OSBPL5: variants seen among roughly 807,000 people sequenced by gnomAD.
OSBPL5 encodes oxysterol-binding protein-related protein 5.
A neutral mutation model predicts 111.2 loss-of-function variants in OSBPL5; 71 were observed. The observed-to-expected ratio is 0.64, with a 90% CI of 0.53 to 0.78. The LOEUF is 0.78. Ranked by LOEUF, OSBPL5 falls within the 30% of genes least tolerant of loss-of-function variation. The pLI is 0.00. For missense variants in OSBPL5, 1,210 were observed against 1,189.3 expected, an observed-to-expected ratio of 1.02 and a Z score of -0.26; for synonymous variants, 549 against 513.9, an observed-to-expected ratio of 1.07 and a Z score of -0.93.
At chr11:3,112,044 C>CGTGTGT (rs1857985084) in intron 7 of OSBPL5, among the ~76,000 whole-genome samples, 2 of 92,424 alleles carry the variant, frequency 2.2e-5, no homozygotes, top group African/African-American at 6.7e-5. Context: ...TATGTGTGCG[C>CGTGTGT]GCATGTGTGT....
At chr11:3,119,693 G>C in intron 6 of OSBPL5, 62 bp from the exon 7 acceptor site, 1 of 1,502,056 alleles carries the variant, frequency 6.7e-7, no homozygotes, top group Non-Finnish European at 9.0e-7. Flanking sequence ...GCACAGATAG[G>C]TCAGGCAGAA....
chr11:3,108,048 A>T, intron 7 of OSBPL5, 103 bp from the exon 8 acceptor site: 1 of 1,444,714 alleles, frequency 6.9e-7, no homozygotes, highest in South Asian at 1.3e-5. Flanking sequence ...CTCTTCAGGG[A>T]CCCACCCCCT....
Position 3,121,001 on chromosome 11 carries a change from G to A in OSBPL5, c.403-377C>T, listed in dbSNP as rs142681900. Among the ~76,000 whole-genome samples the A allele has an allele frequency of 3.6e-4, 55 of 152,174 alleles. 2 individuals carry two copies. In the East Asian group the frequency reaches 9.7e-3, roughly 27 times the overall value. ...TCACGTGGGTCAAGTTCAAGGTCAA[G>A]GGCCTCAGGGAGGAACCAGCAATGA... is the stretch of plus-strand genomic sequence containing the variant. On this transcript the variant is annotated intron_variant, in intron 5 of 21. Transcript: ENST00000263650. The surrounding 1 kb of genome is among the most constrained non-coding windows in gnomAD (Gnocchi z 4.3).
chr11:3,090,375 G>A (rs917742174), intron 20 of OSBPL5, among the ~76,000 whole-genome samples, 183 bp downstream of exon 20: 6 of 152,170 alleles, frequency 3.9e-5, no homozygotes, highest in Non-Finnish European at 8.8e-5. Flanking sequence ...TGGCCCTTGG[G>A]CTGCCTCCCA....
chr11:3,114,747 C>T (rs534079650), intron 7 of OSBPL5, among the ~76,000 whole-genome samples: 291 of 151,576 alleles, frequency 1.9e-3, no homozygotes, highest in African/African-American at 6.6e-3. Flanking sequence ...TACAGGCGCC[C>T]GCCACCACGC....
chr11:3,101,928 G>A (rs1857473288), intron 12 of OSBPL5, among the ~76,000 whole-genome samples: 1 of 152,188 alleles, frequency 6.6e-6, no homozygotes, highest in African/African-American at 2.4e-5. Context: ...TCCCCATCGG[G>A]AGATGGGACA....
At chr11:3,089,223 C>T (rs1856976060) in intron 21 of OSBPL5, among the ~76,000 whole-genome samples, 4 of 152,212 alleles carry the variant, frequency 2.6e-5, no homozygotes, top group African/African-American at 7.2e-5. Flanking sequence ...GCATTTCACC[C>T]TGGGGTACTG....
Position 3,107,446 on chromosome 11 carries a change from C to G in OSBPL5, c.876G>C (p.Gly292=), listed in dbSNP as rs370245460. ...HPDQDLFPLN[G]SSLENDAFSD... ...AGAATGCATCGTTCTCCAGGGAAGA[C>G]CCGTTCAGTCTGGAAGGTGGATGGT... Residue 292 remains glycine, a synonymous_variant, in exon 9 of 22, where the codon GGG becomes GGC. Coordinates refer to ENST00000263650, the MANE Select transcript of OSBPL5 (RefSeq NM_020896.4). The surrounding 1 kb of genome is among the most constrained non-coding windows in gnomAD (Gnocchi z 6.1). 7.4e-6 allele frequency: 12 copies of G among 1,614,008 alleles called. No individual in the cohort carries two copies. The African/African-American group carries it at 1.3e-4, about 18-fold the overall frequency.
In OSBPL5 at chr11:3,093,580, CCT is replaced by C; in HGVS notation, c.1891_1892del (p.Arg631AlafsTer52). The C allele has an allele frequency of 6.2e-7, 1 of 1,612,454 alleles. No homozygotes were observed. ...CCAGCGGCACCGTGTGCTGCCTCAG[CCT>C]CTGTCTGCGGACCTCCCCGCTCGGG... ...WTPSGEVRRQ[R>X]LRQHTVPLEE... On this transcript the variant is annotated frameshift_variant, in exon 17 of 22. Coordinates refer to ENST00000263650, the MANE Select transcript of OSBPL5 (RefSeq NM_020896.4). LOFTEE classifies it high-confidence loss of function.
intron 1 of OSBPL5, among the ~76,000 whole-genome samples, chr11:3,135,171 G>A (rs1015561598): frequency 1.3e-5 from 2 of 152,244 alleles, no homozygotes; most frequent in African/African-American, 4.8e-5. Context: ...GCGGTGCTTC[G>A]CTTTGGCCTG....
chr11:3,158,959 A>G (rs1846870219), intron 1 of OSBPL5, among the ~76,000 whole-genome samples: 1 of 152,016 alleles, frequency 6.6e-6, no homozygotes, highest in South Asian at 2.1e-4. Flanking sequence ...GTTGCGGGCA[A>G]ATGTCAGGGA....
rs1254188404 is a variant in OSBPL5 at position 3,088,771 on chromosome 11, G to C, written c.2502-428C>G. Among the ~76,000 whole-genome samples, 4 of 152,108 alleles carry C rather than the reference G, an allele frequency of 2.6e-5. No homozygotes were observed. The East Asian group carries it at 7.7e-4, about 29-fold the overall frequency. On this transcript the variant is annotated intron_variant, in intron 21 of 21. Transcript: ENST00000263650. Reference sequence around the variant, plus strand: ...CATTAGGGTGGGCCCTGGTCCCATGGGACTGGTGTCCTTATATGAAGAAGA... The same window carrying C: ...CATTAGGGTGGGCCCTGGTCCCATGCGACTGGTGTCCTTATATGAAGAAGA...
intron 14 of OSBPL5, among the ~76,000 whole-genome samples, chr11:3,097,252 C>T (rs988067752): frequency 1.6e-4 from 24 of 151,932 alleles, no homozygotes; most frequent in Admixed American, 1.5e-3. Flanking sequence ...TCAGAGTAAC[C>T]AGGAGAGATT....
intron 1 of OSBPL5, among the ~76,000 whole-genome samples, chr11:3,158,802 C>T (rs1171370532): frequency 6.6e-6 from 1 of 152,220 alleles, no homozygotes; most frequent in Non-Finnish European, 1.5e-5. Context: ...TATAAAACAG[C>T]TCAAGGAGCA....
At position 3,146,910 on chromosome 11, in the gene OSBPL5, C is replaced by T. The variant is rs1846368778; in HGVS notation, c.-21-17741G>A. On this transcript the variant is annotated intron_variant, in intron 1 of 21. Coordinates refer to ENST00000263650, the MANE Select transcript of OSBPL5 (RefSeq NM_020896.4). This position sits in a 1 kb window ranked among gnomAD's most constrained non-coding sequence, Gnocchi z 7.8. ...CCTTCCCAGCACACCCAGCTCTGGT[C>T]TTCACGAGGGGCTGGGATTTTAGAG... is the stretch of plus-strand genomic sequence containing the variant. Among the ~76,000 whole-genome samples, 1 of 152,146 alleles carries T rather than the reference C, an allele frequency of 6.6e-6. No homozygotes were observed. Among genetic ancestry groups the T allele is most frequent in the African/African-American group, 2.4e-5 (1 of 41,424 alleles).
rs1019539098 is a variant in OSBPL5, at chr11:3,113,205, T to C, written c.692-5260A>G. The stretch of plus-strand genomic sequence containing the variant: ...TTTAATAAATAAGCTAGCTTTAAAA[T>C]TATTGGTAAAGTAATATTAGAAATG... On this transcript the variant is annotated intron_variant, in intron 7 of 21. Coordinates refer to ENST00000263650, the MANE Select transcript of OSBPL5 (RefSeq NM_020896.4). The surrounding 1 kb of genome is among the most constrained non-coding windows in gnomAD (Gnocchi z 4.8). 6.6e-6 allele frequency among the ~76,000 whole-genome samples: 1 copy of C among 152,216 alleles called. No individual in the cohort carries two copies. The highest frequency in any genetic ancestry group is 2.4e-5 in the African/African-American group (1 of 41,472).
At chr11:3,138,198 G>A (rs1846002730) in intron 1 of OSBPL5, among the ~76,000 whole-genome samples, 1 of 152,172 alleles carries the variant, frequency 6.6e-6, no homozygotes, top group African/African-American at 2.4e-5. Context: ...CAGCTACTGG[G>A]TCAGCTGGCC....
intron 13 of OSBPL5, among the ~76,000 whole-genome samples, 159 bp downstream of exon 13, chr11:3,101,444 G>A (rs951651491): frequency 2.0e-5 from 3 of 152,066 alleles, no homozygotes; most frequent in Non-Finnish European, 4.4e-5. Flanking sequence ...CCTCATGGCC[G>A]GGTCTCAGCA....
Position 3,088,159 on chromosome 11 carries a change from G to T in OSBPL5, c.*46C>A. ...AGCAGGCTTAAAGTGCTGGGTGCCT[G>T]GGAGGGAGGGCTCAGGACCGGCCAG... On this transcript the variant is annotated 3_prime_UTR_variant, in exon 22 of 22. Transcript: ENST00000263650. 2.0e-6 allele frequency: 3 copies of T among 1,487,080 alleles called. No individual in the cohort carries two copies. The highest frequency in any genetic ancestry group is 2.7e-6 in the Non-Finnish European group (3 of 1,111,518). 92.1% of individuals were successfully genotyped at this position (1,487,080 alleles called of 1,614,324 possible).
Sources: allele counts gnomAD v4.1 joint callset (sites outside exome capture counted in the v4.1 genomes callset), GRCh38; gene constraint gnomAD v4.1.1; non-coding constraint Gnocchi (gnomAD v3.1); transcripts MANE v1.5; gene names NCBI Gene and HGNC (gene_info 2026-07-23, HGNC 2026-07-21).